The following WSCD1 variants were observed in gnomAD, a reference collection of about 807,000 sequenced individuals.
WSCD1 encodes sialate:O-sulfotransferase 1.
WSCD1 carries 41 observed loss-of-function variants against 60.4 expected under a neutral mutation model. The observed-to-expected ratio is 0.68, with a 90% CI of 0.53 to 0.88. WSCD1 has a LOEUF of 0.88. Among genes scored for constraint, WSCD1 ranks in the 40% least tolerant of loss-of-function variants. The pLI is 0.00. For synonymous variants in WSCD1, 361 were observed against 332.5 expected, an observed-to-expected ratio of 1.09 and a Z score of -0.93; for missense variants, 784 against 796.2, an observed-to-expected ratio of 0.98 and a Z score of 0.18.
At position 6,101,096 on chromosome 17, in the gene WSCD1, G is replaced by T. The variant is rs1010306905; in HGVS notation, c.849+5873G>T. Among the ~76,000 whole-genome samples the T allele has an allele frequency of 6.6e-6, 1 of 152,070 alleles. No individual in the cohort carries two copies. The highest frequency in any genetic ancestry group is 2.4e-5 in the African/African-American group (1 of 41,412). On this transcript the variant is annotated intron_variant, in intron 5 of 8. Coordinates refer to ENST00000317744, the MANE Select transcript of WSCD1 (RefSeq NM_015253.2). The surrounding 1 kb of genome is among the most constrained non-coding windows in gnomAD (Gnocchi z 4.1). ...GAGGTGAATCTGGGGATGTCTGGCC[G>T]TATTTGCCTGCTCTGAAGTGCCAAG...
Position 6,075,157 on chromosome 17 carries a change from C to T in WSCD1, c.-289+4505C>T, listed in dbSNP as rs1405198083. On this transcript the variant is annotated intron_variant, in intron 1 of 8. Transcript: ENST00000317744. This position sits in a 1 kb window ranked among gnomAD's most constrained non-coding sequence, Gnocchi z 4.1. ...TATTCTTGTCGCTGGGGCTCCTGCC[C>T]TGCAAAGAGCAGGCAGCTCCAAGTC... is the stretch of plus-strand genomic sequence containing the variant. 6.6e-6 allele frequency among the ~76,000 whole-genome samples: 1 copy of T among 152,200 alleles called. No homozygotes were observed. The highest frequency in any genetic ancestry group is 2.4e-5 in the African/African-American group (1 of 41,444).
At chr17:6,082,241 C>T (rs1222183726) in intron 2 of WSCD1, among the ~76,000 whole-genome samples, 1 of 152,122 alleles carries the variant, frequency 6.6e-6, no homozygotes, top group African/African-American at 2.4e-5. Context: ...CCAGGATTCA[C>T]GTGCATCCAG....
At chr17:6,097,101 C>T (rs1314398814) in intron 5 of WSCD1, among the ~76,000 whole-genome samples, 1 of 152,218 alleles carries the variant, frequency 6.6e-6, no homozygotes, top group African/African-American at 2.4e-5. Flanking sequence ...CACACAGCCA[C>T]ACACTGGCAC....
At chr17:6,085,112 T>C (rs960260930) in intron 2 of WSCD1, 1 of 152,220 alleles carries the variant, frequency 6.6e-6, no homozygotes, top group Non-Finnish European at 1.5e-5. Context: ...TAATATTTAC[T>C]GATCCATCCA....
chr17:6,096,416 C>T (rs1853761927), intron 5 of WSCD1, among the ~76,000 whole-genome samples: 1 of 152,116 alleles, frequency 6.6e-6, no homozygotes, highest in African/African-American at 2.4e-5. Flanking sequence ...TTCCTCCGCA[C>T]TCTGGGGACA....
rs77557421 is a variant in WSCD1, at chr17:6,081,714, A to G, written c.427+629A>G. 6.2e-3 allele frequency among the ~76,000 whole-genome samples: 906 copies of G among 146,300 alleles called. 6 individuals are homozygous for G. The highest frequency in any genetic ancestry group is 0.024 in the East Asian group (115 of 4,826). On this transcript the variant is annotated intron_variant, in intron 2 of 8. Coordinates refer to ENST00000317744, the MANE Select transcript of WSCD1 (RefSeq NM_015253.2). ...AAGGAGACTCTGTCTCAAAAAAAAG[A>G]AAAAAAAAAAATTAGACGTGTCACT...
At chr17:6,100,915 T>C (rs1357325218) in intron 5 of WSCD1, among the ~76,000 whole-genome samples, 3 of 152,138 alleles carry the variant, frequency 2.0e-5, no homozygotes, top group Non-Finnish European at 4.4e-5. Context: ...CTTCCAACCA[T>C]TGTGAGGATG....
Position 6,109,658 on chromosome 17 carries a change from A to T in WSCD1, c.901A>T (p.Thr301Ser). The change falls in exon 6 of 9, where the codon ACC becomes TCC. Residue 301 changes from threonine (T) to serine (S), a missense_variant. Transcript: ENST00000317744. ...RGWECYCAYPTPRFNLRDAMD... is the reference protein window; with the variant it reads ...RGWECYCAYPSPRFNLRDAMD... ...CTGGGAATGCTACTGTGCTTACCCTACCCCCCGGTTCAACCTGCGGGATGC... is the reference window on the plus strand; with the variant it reads ...CTGGGAATGCTACTGTGCTTACCCTTCCCCCCGGTTCAACCTGCGGGATGC... 6.2e-7 allele frequency: 1 copy of T among 1,613,294 alleles called. No homozygotes were observed. The highest frequency in any genetic ancestry group is 8.5e-7 in the Non-Finnish European group (1 of 1,179,858).
In WSCD1 at chr17:6,118,060, G is replaced by C. The variant is rs1377774040; in HGVS notation, c.1247G>C (p.Arg416Thr). Reference protein sequence around the residue: ...ICVKTHESGRREIEMFDSAIL... With the variant: ...ICVKTHESGRTEIEMFDSAIL... Reference sequence around the variant, plus strand: ...GTCAAAACCCACGAGAGTGGCAGGAGGGAGATTGAGATGTTTGATTCAGCC... The same window carrying C: ...GTCAAAACCCACGAGAGTGGCAGGACGGAGATTGAGATGTTTGATTCAGCC... The change falls in exon 8 of 9, where the codon AGG becomes ACG. Residue 416 changes from arginine to threonine, a missense_variant. Coordinates refer to ENST00000317744, the MANE Select transcript of WSCD1 (RefSeq NM_015253.2). This position sits in a 1 kb window ranked among gnomAD's most constrained non-coding sequence, Gnocchi z 5.8. 1.2e-6 allele frequency: 2 copies of C among 1,614,210 alleles called. No individual in the cohort carries two copies. The highest frequency in any genetic ancestry group is 4.5e-5 in the East Asian group (2 of 44,878).
chr17:6,114,745 G>A (rs7220113), intron 7 of WSCD1, among the ~76,000 whole-genome samples: 139,333 of 151,966 alleles, frequency 0.92, 64,129 homozygotes, highest in Non-Finnish European at 0.97. Context: ...ACATAGGTAT[G>A]CATGTGCCAA....
Position 6,095,195 on chromosome 17 carries a change from G to C in WSCD1, c.821G>C (p.Gly274Ala). 1 of 1,613,576 alleles carries C rather than the reference G, an allele frequency of 6.2e-7. No individual in the cohort carries two copies. The highest frequency in any genetic ancestry group is 1.1e-5 in the South Asian group (1 of 90,910). ...CTGATACAGGCCAATGTGACCGTGG[G>C]GACTTGCTCGGGCTTTTGTTCCCAG... The part of the protein sequence containing the change: ...SSLIQANVTV[G>A]TCSGFCSQKE... The change falls in exon 5 of 9, where the codon GGG becomes GCG. Residue 274 changes from glycine to alanine, a missense_variant. By Grantham distance (60) the Gly-to-Ala change is moderately conservative. Transcript: ENST00000317744.
At chr17:6,078,563 T>C (rs947840842) in intron 1 of WSCD1, among the ~76,000 whole-genome samples, 1 of 144,002 alleles carries the variant, frequency 6.9e-6, no homozygotes, top group Non-Finnish European at 1.6e-5. Context: ...ATGTGGAGGG[T>C]GTGTGTGTGT....
chr17:6,072,401 A>G (rs1056248440), intron 1 of WSCD1, among the ~76,000 whole-genome samples: 1 of 152,154 alleles, frequency 6.6e-6, no homozygotes, highest in Non-Finnish European at 1.5e-5. Flanking sequence ...GAGCCTCTGA[A>G]TCCAGAGCCT....
At chr17:6,092,311 G>A (rs1910111142) in intron 4 of WSCD1, among the ~76,000 whole-genome samples, 1 of 152,118 alleles carries the variant, frequency 6.6e-6, no homozygotes, top group Non-Finnish European at 1.5e-5. Flanking sequence ...CTGTCTGTGG[G>A]GTCACAGTGC....
intron 7 of WSCD1, 137 bp from the exon 8 acceptor site, chr17:6,117,851 C>G (rs1038616157): frequency 2.4e-6 from 2 of 821,804 alleles, no homozygotes; most frequent in Admixed American, 2.5e-5. Flanking sequence ...ATCCATAGGT[C>G]CTCTCAGTGT....
intron 5 of WSCD1, among the ~76,000 whole-genome samples, chr17:6,108,385 T>G (rs1474963105): frequency 6.6e-6 from 1 of 152,200 alleles, no homozygotes; most frequent in Non-Finnish European, 1.5e-5. Flanking sequence ...ACTCACAGAT[T>G]ACTCTCTCAT....
At position 6,080,885 on chromosome 17, in the gene WSCD1, G is replaced by A. The variant is rs778038699; in HGVS notation, c.227G>A (p.Arg76Gln). 12 of 1,602,254 alleles carry A rather than the reference G, an allele frequency of 7.5e-6. No homozygotes were observed. The highest frequency in any genetic ancestry group is 2.2e-5 in the East Asian group (1 of 44,660). ...GACAGCAGAGCCCTGCACGACCCTC[G>A]AGTCAGCCCAGAGCTGCTGCTGGGT... Reference protein sequence around the residue: ...LLDSRALHDPRVSPELLLGVD... With the variant: ...LLDSRALHDPQVSPELLLGVD... The change falls in exon 2 of 9, where the codon CGA (arginine) becomes CAA (glutamine). Residue 76 changes from arginine to glutamine, a missense_variant. Arg to Gln is a conservative substitution (Grantham distance 43). Coordinates refer to ENST00000317744, the MANE Select transcript of WSCD1 (RefSeq NM_015253.2). The surrounding 1 kb of genome is among the most constrained non-coding windows in gnomAD (Gnocchi z 6.6).
At chr17:6,079,502 CAGAGAG>C in intron 1 of WSCD1, among the ~76,000 whole-genome samples, 2 of 152,202 alleles carry the variant, frequency 1.3e-5, no homozygotes, top group African/African-American at 4.8e-5. Flanking sequence ...GAAGGCAGAT[CAGAGAG>C]CCTTCTGCCT....
intron 1 of WSCD1, among the ~76,000 whole-genome samples, chr17:6,076,990 G>T (rs550416226): frequency 6.6e-6 from 1 of 152,320 alleles, no homozygotes; most frequent in African/African-American, 2.4e-5. Context: ...CCTGGAGGGG[G>T]GCTGCCAGCC....
Sources: gnomAD v4.1 joint callset for allele counts (sites outside exome capture counted in the v4.1 genomes callset) on GRCh38, gnomAD v4.1.1 for gene constraint, Gnocchi (gnomAD v3.1) non-coding constraint, MANE v1.5 for transcripts, NCBI Gene and HGNC (gene_info 2026-07-23, HGNC 2026-07-21) for gene names.